The following PTPRN2 variants were observed in gnomAD, a reference collection of about 807,000 sequenced individuals.
PTPRN2 encodes the protein protein tyrosine phosphatase receptor type N2, also known as receptor-type tyrosine-protein phosphatase N2.
A neutral mutation model predicts 118.8 loss-of-function variants in PTPRN2; 74 were observed. That is an observed-to-expected ratio of 0.62 (90% CI 0.52 to 0.76). The LOEUF (loss-of-function observed/expected upper bound fraction) is 0.76, where lower values mean the gene tolerates loss of function less well. Ranked by LOEUF, PTPRN2 falls within the 30% of genes least tolerant of loss-of-function variation. PTPRN2 has a pLI of 0.00. For missense variants in PTPRN2, 1,481 were observed against 1,394.4 expected (o/e 1.06, Z -0.99); for synonymous variants, 641 against 608.0 (o/e 1.05, Z -0.80).
At chr7:157,911,841 C>CTGCG (rs1798123504) in intron 11 of PTPRN2, among the ~76,000 whole-genome samples, 2 of 151,936 alleles carry the variant, frequency 1.3e-5, no homozygotes, top group South Asian at 4.2e-4. Context: ...CATACACGTT[C>CTGCG]TGTGATGTGC....
intron 12 of PTPRN2, among the ~76,000 whole-genome samples, chr7:157,726,988 A>G (rs947295026): frequency 6.6e-6 from 1 of 152,208 alleles, no homozygotes; most frequent in Non-Finnish European, 1.5e-5. Flanking sequence ...TCTTACCGAA[A>G]AAAACAGAAA....
intron 1 of PTPRN2, among the ~76,000 whole-genome samples, chr7:158,491,056 G>A (rs80020083): frequency 0.01 from 1,528 of 152,342 alleles, 86 homozygotes; most frequent in Admixed American, 0.079. Flanking sequence ...AAAGTTTCCA[G>A]TCACTACTTC....
At chr7:158,470,143 A>T (rs973274776) in intron 2 of PTPRN2, among the ~76,000 whole-genome samples, 1 of 152,388 alleles carries the variant, frequency 6.6e-6, no homozygotes, top group South Asian at 2.1e-4. Context: ...AAATAAAAGA[A>T]TCTCATTTGG....
chr7:157,738,812 A>G (rs1411669448), intron 12 of PTPRN2, among the ~76,000 whole-genome samples: 1 of 152,040 alleles, frequency 6.6e-6, no homozygotes, highest in Non-Finnish European at 1.5e-5. Flanking sequence ...ATGAAGGGGT[A>G]GGGGCATCAT....
intron 11 of PTPRN2, among the ~76,000 whole-genome samples, chr7:157,917,106 C>G (rs1585012744): frequency 6.7e-6 from 1 of 148,196 alleles, no homozygotes; most frequent in Non-Finnish European, 1.5e-5. Flanking sequence ...ACACGTCCAA[C>G]ACACGTCCTC....
At position 158,138,466 on chromosome 7, in the gene PTPRN2, C is replaced by G. The variant is rs772582448; in HGVS notation, c.960G>C (p.Glu320Asp). 3 of 1,613,030 alleles carry G rather than the reference C, an allele frequency of 1.9e-6. No homozygotes were observed. The highest frequency in any genetic ancestry group is 1.7e-5 in the Admixed American group (1 of 60,028). The change falls in exon 7 of 23, where the codon GAG (glutamate) becomes GAC (aspartate). Residue 320 changes from glutamate to aspartate, a missense_variant. Physicochemically the swap from Glu to Asp is conservative, Grantham distance 45 (BLOSUM62 2). This residue lies in a region of PTPRN2 where 1,115 missense variants were observed against 994.2 expected (regional missense o/e 1.12). Coordinates refer to ENST00000389418, the MANE Select transcript of PTPRN2 (RefSeq NM_002847.5). ...GCTCCAGGCCACTCAGGCCCCTCAC[C>G]TCAGCCGGCTGCCTCTGCAGGTCCT... ...LLKDLQRQPA[E>D]VRGLSGLELD...
At chr7:158,403,447 C>T (rs912846936) in intron 2 of PTPRN2, among the ~76,000 whole-genome samples, 2 of 152,266 alleles carry the variant, frequency 1.3e-5, no homozygotes, top group African/African-American at 4.8e-5. Context: ...ACAGGCCCAG[C>T]TGCCCTCGTT....
chr7:158,214,763 C>T (rs1436997789), intron 3 of PTPRN2, among the ~76,000 whole-genome samples: 1 of 152,100 alleles, frequency 6.6e-6, no homozygotes, highest in African/African-American at 2.4e-5. Flanking sequence ...TCTCCCTAAC[C>T]AATCAGTAAA....
chr7:158,406,188 G>A (rs558146032), intron 2 of PTPRN2, among the ~76,000 whole-genome samples: 81 of 144,722 alleles, frequency 5.6e-4, no homozygotes, highest in African/African-American at 2.0e-3. Flanking sequence ...ACACGTGGCC[G>A]CACACTGAGA....
At chr7:158,068,331 G>A (rs769387997) in intron 11 of PTPRN2, among the ~76,000 whole-genome samples, 7 of 152,186 alleles carry the variant, frequency 4.6e-5, no homozygotes, top group African/African-American at 9.7e-5. Flanking sequence ...CCGAGGGTAC[G>A]GTGCAGTGCA....
intron 5 of PTPRN2, among the ~76,000 whole-genome samples, chr7:158,172,821 T>A (rs1276319438): frequency 4.9e-5 from 7 of 143,256 alleles, no homozygotes; most frequent in Admixed American, 1.4e-4. Context: ...CATCCCACCA[T>A]CCACAGCAGC....
intron 1 of PTPRN2, among the ~76,000 whole-genome samples, chr7:158,560,599 G>C (rs568594871): frequency 6.6e-6 from 1 of 152,254 alleles, no homozygotes; most frequent in Non-Finnish European, 1.5e-5. Flanking sequence ...ACCGTGTGGC[G>C]GTTCCTCACT....
chr7:158,270,817 GCCCCCTCCACCTGGATGAC>G (rs1798330980), intron 3 of PTPRN2, among the ~76,000 whole-genome samples: 1 of 4,778 alleles, frequency 2.1e-4, no homozygotes, highest in Admixed American at 1.6e-3. Flanking sequence ...CACCTGGACC[GCCCCCTCCACCTGGATGAC>G]CCCCTCACCT....
intron 2 of PTPRN2, among the ~76,000 whole-genome samples, chr7:158,416,492 G>A (rs1814665629): frequency 6.6e-6 from 1 of 152,236 alleles, no homozygotes; most frequent in South Asian, 2.1e-4. Flanking sequence ...ATTGGCCAGG[G>A]TGCCTGTCAC....
intron 6 of PTPRN2, among the ~76,000 whole-genome samples, chr7:158,147,777 T>TC (rs1820317068): frequency 2.2e-5 from 2 of 91,346 alleles, no homozygotes; most frequent in African/African-American, 4.9e-5. Flanking sequence ...ACGCCACGTG[T>TC]TATTCCCCCT....
At position 158,565,060 on chromosome 7, in the gene PTPRN2, T is replaced by G. The variant is rs1827591311; in HGVS notation, c.112+22498A>C. Among the ~76,000 whole-genome samples, 1 of 152,180 alleles carries G rather than the reference T, an allele frequency of 6.6e-6. No homozygotes were observed. The highest frequency in any genetic ancestry group is 1.5e-5 in the Non-Finnish European group (1 of 68,036). ...CAGCCATGCATGGACCCAGGGATGC[T>G]GACACCATTCAGAAAATTGTATTGT... On this transcript the variant is annotated intron_variant, in intron 1 of 22. Coordinates refer to ENST00000389418, the MANE Select transcript of PTPRN2 (RefSeq NM_002847.5). The surrounding 1 kb of genome is among the most constrained non-coding windows in gnomAD (Gnocchi z 4.6).
In PTPRN2 at chr7:158,159,143, A is replaced by G. The variant is rs4272321; in HGVS notation, c.910+7788T>C. Among the ~76,000 whole-genome samples, 11 of 18,018 alleles carry G rather than the reference A, an allele frequency of 6.1e-4. 3 individuals are homozygous for G. The highest frequency in any genetic ancestry group is 5.7e-3 in the East Asian group (1 of 174). 11.8% of individuals were successfully genotyped at this position (18,018 alleles called of 152,430 possible). A position where few individuals can be genotyped will look rare whatever the true frequency, so the allele number is the denominator to read the frequency against. Reference sequence around the variant, plus strand: ...CCAGGACTTTGCAAGTGCTTTCTGAATGAATGAGTGAACTTGGGAGAATCA... The same window carrying G: ...CCAGGACTTTGCAAGTGCTTTCTGAGTGAATGAGTGAACTTGGGAGAATCA... On this transcript the variant is annotated intron_variant, in intron 6 of 22. Transcript: ENST00000389418.
intron 19 of PTPRN2, among the ~76,000 whole-genome samples, chr7:157,573,560 C>T (rs914745508): frequency 2.0e-5 from 3 of 152,218 alleles, no homozygotes; most frequent in East Asian, 3.9e-4. Flanking sequence ...AAACCCCAAA[C>T]CCCAAACCAG....
chr7:158,530,010 C>T (rs761659495), intron 1 of PTPRN2, among the ~76,000 whole-genome samples: 10 of 152,188 alleles, frequency 6.6e-5, no homozygotes, highest in Non-Finnish European at 1.2e-4. Context: ...GCCACATGCA[C>T]ACCCCTAACT....
Sources: gnomAD v4.1 joint callset for allele counts (sites outside exome capture counted in the v4.1 genomes callset) on GRCh38, gnomAD v4.1.1 for gene constraint, gnomAD v4.1.1 regional missense constraint, Gnocchi (gnomAD v3.1) non-coding constraint, MANE v1.5 for transcripts, NCBI Gene and HGNC (gene_info 2026-07-23, HGNC 2026-07-21) for gene names.